Variants in FEZ1 observed in about 807,000 individuals in gnomAD.
The protein encoded by FEZ1 is fasciculation and elongation protein zeta-1.
Under a neutral mutation model 49.3 loss-of-function variants are expected in FEZ1, and 20 were observed. That is an observed-to-expected ratio of 0.41 (90% CI 0.29 to 0.59). The LOEUF (loss-of-function observed/expected upper bound fraction) is 0.59, where lower values mean the gene tolerates loss of function less well. Among genes scored for constraint, FEZ1 ranks in the 20% least tolerant of loss-of-function variants. The probability of loss-of-function intolerance (pLI) is 0.36; values close to 1 mark genes in which losing one functional copy is unlikely to be tolerated. For missense variants in FEZ1, 413 were observed against 476.0 expected (o/e 0.87, Z 1.23); for synonymous variants, 170 against 180.9 (o/e 0.94, Z 0.48).
Position 125,491,002 on chromosome 11 carries a change from C to T in FEZ1, c.-45-1180G>A, listed in dbSNP as rs188185780. ...CTCCTGACCTCAGGTGATCTACCTGCCTCAGCCTCCCAAAGTTCTGGGATT... is the reference window on the plus strand; with the variant it reads ...CTCCTGACCTCAGGTGATCTACCTGTCTCAGCCTCCCAAAGTTCTGGGATT... On this transcript the variant is annotated intron_variant, in intron 1 of 9. Coordinates refer to ENST00000278919, the MANE Select transcript of FEZ1 (RefSeq NM_005103.5). Among the ~76,000 whole-genome samples, 692 of 152,282 alleles carry T rather than the reference C, an allele frequency of 4.5e-3. 6 individuals are homozygous for T. The highest frequency in any genetic ancestry group is 8.3e-3 in the Non-Finnish European group (566 of 68,024).
intron 5 of FEZ1, 158 bp from the exon 6 acceptor site, chr11:125,456,264 C>A (rs1213878995): frequency 1.5e-6 from 1 of 682,548 alleles, no homozygotes; most frequent in East Asian, 2.8e-5. Flanking sequence ...AATTTACGAG[C>A]ACGCCAGGAA....
chr11:125,467,777 C>T (rs1180189613), intron 3 of FEZ1, among the ~76,000 whole-genome samples: 2 of 152,162 alleles, frequency 1.3e-5, no homozygotes, highest in African/African-American at 4.8e-5. Flanking sequence ...GAGGTGGAGG[C>T]TGTAGTGAGC....
intron 3 of FEZ1, among the ~76,000 whole-genome samples, chr11:125,478,255 C>A (rs1017356981): frequency 2.6e-5 from 4 of 152,086 alleles, no homozygotes; most frequent in Admixed American, 6.6e-5. Context: ...CCAGCCTGGG[C>A]AACATAGTGA....
At chr11:125,453,051 G>C (rs1396800848) in intron 7 of FEZ1, 3 of 151,342 alleles carry the variant, frequency 2.0e-5, no homozygotes, top group African/African-American at 4.9e-5. Flanking sequence ...TCCACCTCCC[G>C]GGTTTAAGCG....
rs575955261 is a variant in FEZ1 at position 125,474,601 on chromosome 11, C to T, written c.411+6933G>A. On this transcript the variant is annotated intron_variant, in intron 3 of 9. Transcript: ENST00000278919. ...ATTTTTATCTAGAATTTATAAGAAA[C>T]TCTTATGGCCAAGCACGGTGGCTCA... Among the ~76,000 whole-genome samples the T allele has an allele frequency of 2.0e-5, 3 of 152,246 alleles. No individual in the cohort carries two copies. In the East Asian group the frequency reaches 5.8e-4, roughly 29 times the overall value.
chr11:125,463,524 T>G lies in FEZ1; in HGVS notation c.458A>C (p.Asp153Ala). The G allele has an allele frequency of 6.2e-7, 1 of 1,611,556 alleles. No homozygotes were observed. Among genetic ancestry groups the G allele is most frequent in the Non-Finnish European group, 8.5e-7 (1 of 1,177,716 alleles). Reference sequence around the variant, plus strand: ...CAGAGGCTCCTCGTTGATACCGGAATCATTTTCACTCTTCTCATTGAACTC... The same window carrying G: ...CAGAGGCTCCTCGTTGATACCGGAAGCATTTTCACTCTTCTCATTGAACTC... The part of the protein sequence containing the change: ...EEEFNEKSEN[D>A]SGINEEPLLT... The change falls in exon 4 of 10, where the codon GAT (aspartate) becomes GCT (alanine). Residue 153 changes from aspartate (D) to alanine (A), a missense_variant. By Grantham distance (126) the Asp-to-Ala change is moderately radical (BLOSUM62 -2). Coordinates refer to ENST00000278919, the MANE Select transcript of FEZ1 (RefSeq NM_005103.5).
At chr11:125,492,968 TAAAA>T (rs200489748) in intron 1 of FEZ1, among the ~76,000 whole-genome samples, 1,662 of 124,870 alleles carry the variant, frequency 0.013, 33 homozygotes, top group African/African-American at 0.036. Flanking sequence ...ACCCTATCTT[TAAAA>T]AAAAAAAAAA....
rs1487119646 is a variant in FEZ1 at position 125,448,579 on chromosome 11, GACAGAGAGAGGA to G, written c.1097-24_1097-13del. ...CATGGCAAAGAGAACTAGGAAAGGA[GACAGAGAGAGGA>G]ACTAAGATACCATCTGGTCAGAGGT... On this transcript the variant is annotated splice_polypyrimidine_tract_variant and intron_variant, in intron 8 of 9. Transcript: ENST00000278919. The G allele has an allele frequency of 6.3e-7, 1 of 1,587,560 alleles. No homozygotes were observed. Among genetic ancestry groups the G allele is most frequent in the Non-Finnish European group, 8.7e-7 (1 of 1,155,976 alleles).
rs1052803378 is a variant in FEZ1, at chr11:125,443,793, C to T, written c.*2302G>A. On this transcript the variant is annotated 3_prime_UTR_variant, in exon 10 of 10. Coordinates refer to ENST00000278919, the MANE Select transcript of FEZ1 (RefSeq NM_005103.5). ...AGGAGGAGCCACTGTTTTCAGCCTG[C>T]CCTGCTCACCTCCTCCTAGCCAGAG... is the stretch of plus-strand genomic sequence containing the variant. Among the ~76,000 whole-genome samples the T allele has an allele frequency of 6.6e-5, 10 of 152,148 alleles. No homozygotes were observed. The highest frequency in any genetic ancestry group is 2.4e-4 in the African/African-American group (10 of 41,444).
At position 125,495,266 on chromosome 11, in the gene FEZ1, T is replaced by G; in HGVS notation, c.-46+855A>C. ...CCGGACTCATCCCGTGCAGGCCGCATACACACTCCACTGCCCTTCCGGCCA... is the reference window on the plus strand; with the variant it reads ...CCGGACTCATCCCGTGCAGGCCGCAGACACACTCCACTGCCCTTCCGGCCA... On this transcript the variant is annotated intron_variant, in intron 1 of 9. Coordinates refer to ENST00000278919, the MANE Select transcript of FEZ1 (RefSeq NM_005103.5). The surrounding 1 kb of genome is among the most constrained non-coding windows in gnomAD (Gnocchi z 4.2). The G allele has an allele frequency of 2.4e-6, 1 of 420,682 alleles. No individual in the cohort carries two copies. Among genetic ancestry groups the G allele is most frequent in the Non-Finnish European group, 5.0e-6 (1 of 199,518 alleles). The allele number at this position is 420,682 out of a possible 1,614,324, so 26.1% of individuals were successfully genotyped here. A position where few individuals can be genotyped will look rare whatever the true frequency, so the allele number is the denominator to read the frequency against.
chr11:125,493,290 T>A lies in FEZ1; in HGVS notation c.-46+2831A>T, dbSNP rs944387345. On this transcript the variant is annotated intron_variant, in intron 1 of 9. Transcript: ENST00000278919. ...CAGAGGTTGCAGTGAGCCGAGATCA[T>A]GCCATTGCACTCCAGCCTGGGCAAC... 3.4e-5 allele frequency among the ~76,000 whole-genome samples: 5 copies of A among 146,748 alleles called. No individual in the cohort carries two copies. In the East Asian group the frequency reaches 9.9e-4, roughly 29 times the overall value.
At chr11:125,460,739 G>T in intron 4 of FEZ1, 73 bp from the exon 5 acceptor site, 1 of 1,292,462 alleles carries the variant, frequency 7.7e-7, no homozygotes, top group Non-Finnish European at 1.1e-6. Flanking sequence ...ATTTTGATCA[G>T]TTAAGGATGT....
At chr11:125,494,242 G>A (rs1237547852) in intron 1 of FEZ1, among the ~76,000 whole-genome samples, 1 of 152,238 alleles carries the variant, frequency 6.6e-6, no homozygotes, top group African/African-American at 2.4e-5. Context: ...CTGTGGCACA[G>A]ATGAGAGTCA....
chr11:125,465,395 T>C (rs541220805), intron 3 of FEZ1, among the ~76,000 whole-genome samples: 1 of 152,278 alleles, frequency 6.6e-6, no homozygotes, highest in East Asian at 1.9e-4. Context: ...GGGAGGAAGC[T>C]TCTAGGGATA....
At chr11:125,452,569 A>G (rs1404743987) in intron 7 of FEZ1, 160 bp from the exon 8 acceptor site, 1 of 578,388 alleles carries the variant, frequency 1.7e-6, no homozygotes, top group Non-Finnish European at 3.1e-6. Context: ...ACCCCTCTTT[A>G]GGGAATGTCT....
At chr11:125,493,242 G>T (rs1957399922) in intron 1 of FEZ1, among the ~76,000 whole-genome samples, 1 of 151,458 alleles carries the variant, frequency 6.6e-6, no homozygotes, top group Non-Finnish European at 1.5e-5. Flanking sequence ...GCTGAGGCAG[G>T]AGAATCGCTT....
chr11:125,467,882 T>C (rs1957146587), intron 3 of FEZ1, among the ~76,000 whole-genome samples: 2 of 152,168 alleles, frequency 1.3e-5, no homozygotes, highest in South Asian at 4.1e-4. Flanking sequence ...GACTTCCAAT[T>C]TCCTCTTATC....
In FEZ1 at chr11:125,463,533, C is replaced by T. The variant is rs764205809; in HGVS notation, c.449G>A (p.Ser150Asn). 42 of 1,611,650 alleles carry T rather than the reference C, an allele frequency of 2.6e-5. No individual in the cohort carries two copies. In the South Asian group the frequency reaches 4.2e-4, roughly 16 times the overall value. ...CTCGTTGATACCGGAATCATTTTCA[C>T]TCTTCTCATTGAACTCTTCCTCTTC... is the stretch of plus-strand genomic sequence containing the variant. ...EKEEEEFNEK[S>N]ENDSGINEEP... Residue 150 changes from serine (S) to asparagine (N), a missense_variant, in exon 4 of 10, where the codon AGT (serine) becomes AAT (asparagine). Physicochemically the swap from Ser to Asn is conservative, Grantham distance 46 (BLOSUM62 1). Transcript: ENST00000278919.
In FEZ1 at chr11:125,448,557, G is replaced by T; in HGVS notation, c.1107C>A (p.Ala369=). Residue 369 remains alanine, a synonymous_variant, in exon 9 of 10, where the codon GCC becomes GCA. Coordinates refer to ENST00000278919, the MANE Select transcript of FEZ1 (RefSeq NM_005103.5). ...DLQMLTNILF[A]MKEDNEKVPT... ...GCACCTTCTCATTATCCTCCTTCATGGCAAAGAGAACTAGGAAAGGAGACA... is the reference window on the plus strand; with the variant it reads ...GCACCTTCTCATTATCCTCCTTCATTGCAAAGAGAACTAGGAAAGGAGACA... The T allele has an allele frequency of 6.2e-7, 1 of 1,609,516 alleles. No individual in the cohort carries two copies. The highest frequency in any genetic ancestry group is 1.1e-5 in the South Asian group (1 of 90,928).
Sources: allele counts gnomAD v4.1 joint callset (sites outside exome capture counted in the v4.1 genomes callset), GRCh38; gene constraint gnomAD v4.1.1; non-coding constraint Gnocchi (gnomAD v3.1); transcripts MANE v1.5; gene names NCBI Gene and HGNC (gene_info 2026-07-23, HGNC 2026-07-21).